Variants in PLCB4 observed in about 807,000 individuals in gnomAD.
PLCB4 encodes the protein phospholipase C beta 4.
PLCB4 carries 77 observed loss-of-function variants against 178.8 expected under a neutral mutation model. The observed-to-expected ratio is 0.43, with a 90% CI of 0.36 to 0.52. The LOEUF (loss-of-function observed/expected upper bound fraction) is 0.52. PLCB4 is among the 20% of genes least tolerant of loss of function. The pLI is 0.00. For missense variants in PLCB4, 1,024 were observed against 1,453.4 expected (o/e 0.70, Z 4.80); for synonymous variants, 496 against 490.8 (o/e 1.01, Z -0.14).
chr20:9,321,567 T>G (rs2094958438), intron 4 of PLCB4, among the ~76,000 whole-genome samples: 1 of 152,194 alleles, frequency 6.6e-6, no homozygotes, highest in Non-Finnish European at 1.5e-5. Flanking sequence ...GGGAAGACTG[T>G]ATTTTTCATA....
At position 9,288,406 on chromosome 20, in the gene PLCB4, C is replaced by CT. The variant is rs5840316; in HGVS notation, c.-15-19380dup. On this transcript the variant is annotated intron_variant, in intron 3 of 39. Transcript: ENST00000378473. ...GCCTTTTTCCTTTGTCCTGTAGTTG[C>CT]TTTTTTTTTTTTTTAACTTCTACGA... Among the ~76,000 whole-genome samples, 1,198 of 140,772 alleles carry CT rather than the reference C, an allele frequency of 8.5e-3. 7 individuals are homozygous for CT. The highest frequency in any genetic ancestry group is 0.016 in the African/African-American group (641 of 39,412). The allele number at this position is 140,772 out of a possible 152,430, so 92.4% of individuals were successfully genotyped here.
At chr20:9,100,108 C>T (rs2091084322) in intron 2 of PLCB4, among the ~76,000 whole-genome samples, 1 of 152,182 alleles carries the variant, frequency 6.6e-6, no homozygotes, top group Non-Finnish European at 1.5e-5. Context: ...GGGACTGGGG[C>T]TCTGGCGAGA....
intron 7 of PLCB4, among the ~76,000 whole-genome samples, chr20:9,360,209 G>C (rs1328505701): frequency 3.9e-5 from 6 of 152,176 alleles, no homozygotes; most frequent in African/African-American, 1.4e-4. Context: ...TTCCCTCCCA[G>C]TTCCCTTTAG....
intron 32 of PLCB4, among the ~76,000 whole-genome samples, chr20:9,451,031 G>A (rs556912342): frequency 6.6e-6 from 1 of 152,282 alleles, no homozygotes; most frequent in East Asian, 1.9e-4. Context: ...ATTATTGGCT[G>A]AGCTGGGACC....
At chr20:9,227,701 GAC>G (rs1192542402) in intron 3 of PLCB4, among the ~76,000 whole-genome samples, 6 of 152,060 alleles carry the variant, frequency 3.9e-5, no homozygotes, top group Non-Finnish European at 8.8e-5. Context: ...TTATGTCACT[GAC>G]ACACTGTTTT....
At chr20:9,253,662 G>A (rs2147499444) in intron 3 of PLCB4, among the ~76,000 whole-genome samples, 1 of 152,274 alleles carries the variant, frequency 6.6e-6, no homozygotes, top group Admixed American at 6.5e-5. Context: ...GCTCAAATGA[G>A]GTATGCATAA....
At chr20:9,448,884 G>T (rs1007446521) in intron 32 of PLCB4, among the ~76,000 whole-genome samples, 21 of 152,152 alleles carry the variant, frequency 1.4e-4, no homozygotes. Flanking sequence ...GAACAGTGGG[G>T]TGAGTGTGAG....
At chr20:9,397,303 C>T (rs1239090455) in intron 19 of PLCB4, among the ~76,000 whole-genome samples, 1 of 152,182 alleles carries the variant, frequency 6.6e-6, no homozygotes, top group East Asian at 1.9e-4. Context: ...CATGTTCAGG[C>T]TCCTTTTCAA....
At chr20:9,405,123 A>T (rs890397499) in intron 20 of PLCB4, among the ~76,000 whole-genome samples, 190 bp from the exon 21 acceptor site, 2 of 152,024 alleles carry the variant, frequency 1.3e-5, no homozygotes, top group African/African-American at 2.4e-5. Flanking sequence ...GAGCATTAAG[A>T]TTAGCCCTTC....
At chr20:9,322,264 TC>T (rs1280672051) in intron 4 of PLCB4, among the ~76,000 whole-genome samples, 4 of 152,046 alleles carry the variant, frequency 2.6e-5, no homozygotes, top group Non-Finnish European at 5.9e-5. Context: ...TGGCCCCTAG[TC>T]TTTAATTTTT....
intron 2 of PLCB4, among the ~76,000 whole-genome samples, chr20:9,118,304 TAAA>T (rs33945450): frequency 3.0e-5 from 4 of 135,100 alleles, no homozygotes; most frequent in African/African-American, 1.1e-4. Context: ...AGTATAATAA[TAAA>T]AAAAAAACAA....
chr20:9,468,491 C>G, intron 35 of PLCB4, 80 bp from the exon 36 acceptor site: 1 of 832,764 alleles, frequency 1.2e-6, no homozygotes, highest in Admixed American at 1.8e-5. Context: ...TTCTCATTTT[C>G]CCCAGGTGAA....
In PLCB4 at chr20:9,086,062, C is replaced by A. The variant is rs79461448; in HGVS notation, c.-134-10225C>A. Among the ~76,000 whole-genome samples the A allele has an allele frequency of 5.7e-3, 864 of 152,174 alleles. 7 individuals carry two copies. Among genetic ancestry groups the A allele is most frequent in the African/African-American group, 0.02 (827 of 41,518 alleles). On this transcript the variant is annotated intron_variant, in intron 1 of 39. Transcript: ENST00000378473. Reference sequence around the variant, plus strand: ...TTAAAATGTGTTAATTATGTGGCTTCATTTGGAATATAAGAGATGATATAA... The same window carrying A: ...TTAAAATGTGTTAATTATGTGGCTTAATTTGGAATATAAGAGATGATATAA...
At chr20:9,429,731 C>T (rs1404092325) in intron 28 of PLCB4, among the ~76,000 whole-genome samples, 1 of 152,190 alleles carries the variant, frequency 6.6e-6, no homozygotes, top group Non-Finnish European at 1.5e-5. Context: ...ATATGTCTCA[C>T]ATATATATGC....
At chr20:9,123,417 CCTCT>C (rs2092021894) in intron 2 of PLCB4, among the ~76,000 whole-genome samples, 1 of 67,194 alleles carries the variant, frequency 1.5e-5, no homozygotes, top group African/African-American at 5.6e-5. Context: ...CTGGAAATCT[CCTCT>C]TTTTTTTTTT....
intron 2 of PLCB4, among the ~76,000 whole-genome samples, chr20:9,179,728 T>C (rs1025509382): frequency 1.3e-5 from 2 of 152,210 alleles, no homozygotes; most frequent in Non-Finnish European, 2.9e-5. Flanking sequence ...ATGCTTGTTT[T>C]AGTGAATGAG....
At chr20:9,144,516 G>A (rs1827526399) in intron 2 of PLCB4, among the ~76,000 whole-genome samples, 1 of 151,378 alleles carries the variant, frequency 6.6e-6, no homozygotes, top group Admixed American at 6.6e-5. Context: ...GTATCTAAGG[G>A]GTTTAAAGAA....
chr20:9,432,268 T>G (rs1179219831), intron 28 of PLCB4, among the ~76,000 whole-genome samples: 11 of 152,222 alleles, frequency 7.2e-5, no homozygotes, highest in Admixed American at 7.2e-4. Context: ...GCTTTATTGA[T>G]TCTTTAATGT....
chr20:9,209,832 C>T (rs575661019), intron 2 of PLCB4, among the ~76,000 whole-genome samples: 6 of 151,822 alleles, frequency 4.0e-5, no homozygotes, highest in African/African-American at 9.7e-5. Context: ...GGCGTGGTGG[C>T]GGGCGCCTGT....
Sources: gnomAD v4.1 joint callset for allele counts (sites outside exome capture counted in the v4.1 genomes callset) on GRCh38, gnomAD v4.1.1 for gene constraint, MANE v1.5 for transcripts, NCBI Gene and HGNC (gene_info 2026-07-23, HGNC 2026-07-21) for gene names.